Variants in EFNA5 observed in about 807,000 individuals in gnomAD.
EFNA5 encodes the protein ephrin-A5.
EFNA5 carries 5 observed loss-of-function variants against 22.9 expected under a neutral mutation model. The ratio of observed to expected loss-of-function variants is 0.22; its 90% confidence interval spans 0.11 to 0.46. The LOEUF (loss-of-function observed/expected upper bound fraction) is 0.46. Ranked by LOEUF, EFNA5 falls within the 20% of genes least tolerant of loss-of-function variation. EFNA5 has a pLI of 0.99. For synonymous variants in EFNA5, 113 were observed against 112.2 expected (o/e 1.01, Z -0.04); for missense variants, 237 against 293.3 (o/e 0.81, Z 1.40).
chr5:107,558,967 T>C (rs897873614), intron 1 of EFNA5, among the ~76,000 whole-genome samples: 2 of 152,212 alleles, frequency 1.3e-5, no homozygotes, highest in Admixed American at 6.5e-5. Flanking sequence ...TCTGGCACTT[T>C]TATGTTTAAG....
Position 107,473,622 on chromosome 5 carries a change from G to A in EFNA5, c.126-46113C>T, listed in dbSNP as rs1057399681. ...CCAGCTCTAGAACGTGTTATGATCCGATATTCTAATTCATTAACAATCGGA... is the reference window on the plus strand; with the variant it reads ...CCAGCTCTAGAACGTGTTATGATCCAATATTCTAATTCATTAACAATCGGA... On this transcript the variant is annotated intron_variant, in intron 1 of 4. Coordinates refer to ENST00000333274, the MANE Select transcript of EFNA5 (RefSeq NM_001962.3). Among the ~76,000 whole-genome samples the A allele has an allele frequency of 5.9e-5, 9 of 151,402 alleles. No homozygotes were observed. In the East Asian group the frequency reaches 9.7e-4, roughly 16 times the overall value.
At chr5:107,514,911 T>C (rs1175511954) in intron 1 of EFNA5, among the ~76,000 whole-genome samples, 2 of 152,138 alleles carry the variant, frequency 1.3e-5, no homozygotes, top group African/African-American at 2.4e-5. Context: ...TTCTTTTTAA[T>C]GAAAAACAGA....
intron 1 of EFNA5, among the ~76,000 whole-genome samples, chr5:107,577,660 T>C (rs978954176): frequency 1.3e-5 from 2 of 152,164 alleles, no homozygotes; most frequent in South Asian, 2.1e-4. Flanking sequence ...AAGGGTCTTA[T>C]TGTAAACTCT....
intron 1 of EFNA5, among the ~76,000 whole-genome samples, chr5:107,458,640 T>C (rs1473082262): frequency 6.6e-6 from 1 of 152,068 alleles, no homozygotes; most frequent in Non-Finnish European, 1.5e-5. Context: ...AAAATTGTGA[T>C]ACAGAAAACA....
chr5:107,639,652 G>A (rs1750459384), intron 1 of EFNA5, among the ~76,000 whole-genome samples: 1 of 152,172 alleles, frequency 6.6e-6, no homozygotes, highest in African/African-American at 2.4e-5. Context: ...CAGCAGTGTG[G>A]TAGCTGGTAG....
intron 1 of EFNA5, among the ~76,000 whole-genome samples, chr5:107,466,141 G>T (rs1346967359): frequency 6.6e-6 from 1 of 152,098 alleles, no homozygotes; most frequent in Non-Finnish European, 1.5e-5. Flanking sequence ...GACGGTGCTC[G>T]AGTTATTTAG....
chr5:107,577,704 G>A (rs1316158648), intron 1 of EFNA5, among the ~76,000 whole-genome samples: 1 of 152,174 alleles, frequency 6.6e-6, no homozygotes, highest in Non-Finnish European at 1.5e-5. Flanking sequence ...AGAGAACTGT[G>A]AAAGGAGAGA....
At chr5:107,626,431 A>T (rs939641152) in intron 1 of EFNA5, among the ~76,000 whole-genome samples, 18 of 152,162 alleles carry the variant, frequency 1.2e-4, no homozygotes, top group African/African-American at 4.1e-4. Context: ...ACACCACCAC[A>T]CCTGGCTAAT....
chr5:107,586,821 A>C (rs1749197188), intron 1 of EFNA5, among the ~76,000 whole-genome samples: 1 of 152,208 alleles, frequency 6.6e-6, no homozygotes, highest in Non-Finnish European at 1.5e-5. Context: ...AAAATTAGAG[A>C]TAATTTTGTC....
At chr5:107,551,055 G>T (rs1301545232) in intron 1 of EFNA5, among the ~76,000 whole-genome samples, 1 of 152,156 alleles carries the variant, frequency 6.6e-6, no homozygotes, top group Non-Finnish European at 1.5e-5. Context: ...ATAAATGCCA[G>T]GTGATGACCT....
At chr5:107,564,631 G>GTTTTTTTTT (rs34585445) in intron 1 of EFNA5, among the ~76,000 whole-genome samples, 39 of 115,020 alleles carry the variant, frequency 3.4e-4, no homozygotes, top group African/African-American at 1.2e-3. Flanking sequence ...TTGGGTTTTT[G>GTTTTTTTTT]TTTTTTTTTT....
chr5:107,442,929 T>TAAAAAA (rs544741414), intron 1 of EFNA5, among the ~76,000 whole-genome samples: 5 of 82,352 alleles, frequency 6.1e-5, no homozygotes, highest in Admixed American at 2.7e-4. Flanking sequence ...CCCCAGGTAC[T>TAAAAAA]AAAAAAAAAA....
chr5:107,429,338 C>T (rs968702775), intron 1 of EFNA5, among the ~76,000 whole-genome samples: 2 of 152,098 alleles, frequency 1.3e-5, no homozygotes, highest in Admixed American at 6.6e-5. Flanking sequence ...CCCAGCTACT[C>T]GGAAGGCTGA....
intron 1 of EFNA5, among the ~76,000 whole-genome samples, chr5:107,603,897 A>C (rs1749657072): frequency 6.6e-6 from 1 of 152,218 alleles, no homozygotes; most frequent in African/African-American, 2.4e-5. Flanking sequence ...AAAGTGAGTT[A>C]ATCTACTTTG....
At chr5:107,422,360 C>G (rs189965941) in intron 2 of EFNA5, among the ~76,000 whole-genome samples, 3 of 152,262 alleles carry the variant, frequency 2.0e-5, no homozygotes, top group Non-Finnish European at 4.4e-5. Flanking sequence ...TGTGAACAAC[C>G]TACCATAAAT....
At chr5:107,558,876 C>T (rs1407480656) in intron 1 of EFNA5, among the ~76,000 whole-genome samples, 1 of 152,150 alleles carries the variant, frequency 6.6e-6, no homozygotes, top group Admixed American at 6.5e-5. Flanking sequence ...CAGAATCATC[C>T]AGGCTGAATC....
intron 1 of EFNA5, among the ~76,000 whole-genome samples, chr5:107,438,913 G>A (rs569308638): frequency 6.6e-6 from 1 of 152,322 alleles, no homozygotes; most frequent in South Asian, 2.1e-4. Context: ...ACCATCATCA[G>A]AATGTGTTAG....
At chr5:107,454,913 C>T (rs1749657028) in intron 1 of EFNA5, among the ~76,000 whole-genome samples, 1 of 152,128 alleles carries the variant, frequency 6.6e-6, no homozygotes, top group Non-Finnish European at 1.5e-5. Flanking sequence ...GGGAAGGAAG[C>T]TTTTAGGTCT....
At position 107,558,064 on chromosome 5, in the gene EFNA5, T is replaced by C. The variant is rs183143167; in HGVS notation, c.125+112425A>G. Among the ~76,000 whole-genome samples, 544 of 152,300 alleles carry C rather than the reference T, an allele frequency of 3.6e-3. 1 individual carries two copies. Among genetic ancestry groups the C allele is most frequent in the South Asian group, 0.012 (59 of 4,822 alleles). ...GCACATGGTATATATAAATGCTTGC[T>C]GTTATTATTTTGCATTTTAAAAAAA... On this transcript the variant is annotated intron_variant, in intron 1 of 4. Coordinates refer to ENST00000333274, the MANE Select transcript of EFNA5 (RefSeq NM_001962.3).
Sources: allele counts gnomAD v4.1 joint callset (sites outside exome capture counted in the v4.1 genomes callset), GRCh38; gene constraint gnomAD v4.1.1; transcripts MANE v1.5; gene names NCBI Gene and HGNC (gene_info 2026-07-23, HGNC 2026-07-21).